FGD4: variants seen among roughly 807,000 people sequenced by gnomAD.
The protein encoded by FGD4 is FYVE, RhoGEF and PH domain containing 4.
In FGD4, 42 loss-of-function variants were observed where a neutral mutation model predicts 102.0. The observed-to-expected ratio is 0.41, with a 90% confidence interval of 0.32 to 0.53. FGD4 has a LOEUF of 0.53. Ranked by LOEUF, FGD4 falls within the 20% of genes least tolerant of loss-of-function variation. The probability of loss-of-function intolerance (pLI) is 0.21; values close to 1 mark genes in which losing one functional copy is unlikely to be tolerated. For missense variants in FGD4, 902 were observed against 1,078.2 expected, an observed-to-expected ratio of 0.84 and a Z score of 2.29; for synonymous variants, 380 against 375.7, an observed-to-expected ratio of 1.01 and a Z score of -0.13.
At chr12:32,636,404 G>A (rs1950817592) in intron 15 of FGD4, among the ~76,000 whole-genome samples, 1 of 152,002 alleles carries the variant, frequency 6.6e-6, no homozygotes, top group South Asian at 2.1e-4. Context: ...CTGGTGGCGT[G>A]TGCCTGTAAT....
At chr12:32,512,783 C>G (rs1296834707) in intron 1 of FGD4, among the ~76,000 whole-genome samples, 2 of 152,276 alleles carry the variant, frequency 1.3e-5, no homozygotes, top group South Asian at 4.1e-4. Context: ...AGTGAAGAGC[C>G]TGTATTCTCA....
Position 32,645,230 on chromosome 12 carries a change from A to G in FGD4, c.*4697A>G, listed in dbSNP as rs960002724. ...ATATTACACAGTATATGGATATTGG[A>G]ATGTATCACTTGTGGGGGGTTCTCT... On this transcript the variant is annotated 3_prime_UTR_variant, in exon 17 of 17. Transcript: ENST00000534526. 1.3e-5 allele frequency: 2 copies of G among 152,206 alleles called. No individual in the cohort carries two copies. The highest frequency in any genetic ancestry group is 4.8e-5 in the African/African-American group (2 of 41,454). 9.4% of individuals were successfully genotyped at this position (152,206 alleles called of 1,614,324 possible).
chr12:32,521,540 T>TA (rs1239658045), intron 1 of FGD4, among the ~76,000 whole-genome samples: 2 of 152,164 alleles, frequency 1.3e-5, no homozygotes, highest in African/African-American at 4.8e-5. Context: ...CAGGACTTTA[T>TA]AAAAAACATT....
intron 1 of FGD4, among the ~76,000 whole-genome samples, chr12:32,553,824 GC>G (rs777281040): frequency 5.9e-5 from 9 of 152,192 alleles, no homozygotes; most frequent in Non-Finnish European, 1.2e-4. Context: ...ACAGAAACAT[GC>G]TGGGCATGGT....
intron 2 of FGD4, among the ~76,000 whole-genome samples, chr12:32,570,953 G>A (rs186617878): frequency 1.3e-5 from 2 of 152,214 alleles, no homozygotes; most frequent in Admixed American, 1.3e-4. Context: ...TCACATAGAT[G>A]TTATATGGTT....
At chr12:32,568,374 A>G (rs1376852891) in intron 2 of FGD4, among the ~76,000 whole-genome samples, 1 of 152,226 alleles carries the variant, frequency 6.6e-6, no homozygotes, top group Admixed American at 6.5e-5. Context: ...CCTTGGAAAC[A>G]ATGGCTTATT....
chr12:32,462,273 C>T (rs1357995922), intron 1 of FGD4, among the ~76,000 whole-genome samples: 2 of 152,144 alleles, frequency 1.3e-5, no homozygotes, highest in Non-Finnish European at 2.9e-5. Flanking sequence ...TCCCCTTCTT[C>T]AGCCTCCCAA....
chr12:32,526,538 A>G (rs924052234), intron 1 of FGD4, among the ~76,000 whole-genome samples: 1 of 152,184 alleles, frequency 6.6e-6, no homozygotes, highest in Non-Finnish European at 1.5e-5. Context: ...CGCCCTGACG[A>G]AACAGGCCAC....
At chr12:32,467,797 C>T (rs1943302853) in intron 1 of FGD4, among the ~76,000 whole-genome samples, 1 of 152,250 alleles carries the variant, frequency 6.6e-6, no homozygotes, top group South Asian at 2.1e-4. Flanking sequence ...GGGCAGATCA[C>T]CTGAGGTCAA....
chr12:32,434,878 T>C (rs1942170749), intron 1 of FGD4, among the ~76,000 whole-genome samples: 1 of 152,234 alleles, frequency 6.6e-6, no homozygotes, highest in African/African-American at 2.4e-5. Context: ...AAATCAAATA[T>C]AGTGGTGAAT....
chr12:32,437,875 T>G (rs1942288341), intron 1 of FGD4, among the ~76,000 whole-genome samples: 1 of 152,194 alleles, frequency 6.6e-6, no homozygotes, highest in Admixed American at 6.5e-5. Flanking sequence ...TCTCCTGTGT[T>G]GTAGGTAGGA....
chr12:32,561,089 T>TG (rs1565841683), intron 1 of FGD4, among the ~76,000 whole-genome samples: 3 of 122,586 alleles, frequency 2.4e-5, no homozygotes, highest in African/African-American at 9.6e-5. Flanking sequence ...TTTTTTTTTT[T>TG]TTTTTTTTTT....
chr12:32,625,386 T>A (rs1275214816), intron 13 of FGD4, among the ~76,000 whole-genome samples: 1 of 151,444 alleles, frequency 6.6e-6, no homozygotes, highest in African/African-American at 2.4e-5. Flanking sequence ...TTTCCTGCCT[T>A]AGCCTCCCGA....
In FGD4 at chr12:32,612,130, G is replaced by A. The variant is rs191856732; in HGVS notation, c.1749+847G>A. Among the ~76,000 whole-genome samples the A allele has an allele frequency of 5.0e-3, 758 of 152,370 alleles. 4 individuals are homozygous for A. Among genetic ancestry groups the A allele is most frequent in the Middle Eastern group, 0.031 (9 of 294 alleles). On this transcript the variant is annotated intron_variant, in intron 10 of 16. Transcript: ENST00000534526. Reference sequence around the variant, plus strand: ...CCAATGAGCATGGGAGGGAAGCCAAGGGGTTGCTGAGGGTGGCTTGGTGTG... The same window carrying A: ...CCAATGAGCATGGGAGGGAAGCCAAAGGGTTGCTGAGGGTGGCTTGGTGTG...
intron 3 of FGD4, among the ~76,000 whole-genome samples, chr12:32,577,248 T>C (rs1004132342): frequency 1.4e-5 from 2 of 145,300 alleles, no homozygotes; most frequent in East Asian, 3.9e-4. Flanking sequence ...ATTTTATCAG[T>C]AGAATTTTGT....
In FGD4 at chr12:32,608,285, G is replaced by C. The variant is rs572947725; in HGVS notation, c.1543+190G>C. 2.8e-4 allele frequency among the ~76,000 whole-genome samples: 42 copies of C among 152,326 alleles called. 1 individual carries two copies. The South Asian group carries it at 8.1e-3, about 29-fold the overall frequency. On this transcript the variant is annotated intron_variant, in intron 8 of 16. Coordinates refer to ENST00000534526, the MANE Select transcript of FGD4 (RefSeq NM_001370298.3). Reference sequence around the variant, plus strand: ...CTTTTGAGCCAAAATGACAAGTTTAGAGCAATGCAAATCACATTAATTTTG... The same window carrying C: ...CTTTTGAGCCAAAATGACAAGTTTACAGCAATGCAAATCACATTAATTTTG...
chr12:32,550,777 A>C (rs1943602399), intron 1 of FGD4, among the ~76,000 whole-genome samples: 1 of 152,258 alleles, frequency 6.6e-6, no homozygotes, highest in African/African-American at 2.4e-5. Flanking sequence ...GATACTAGCA[A>C]ATGAAGAAAC....
chr12:32,453,730 A>AT (rs1382853979), intron 1 of FGD4, among the ~76,000 whole-genome samples: 1 of 152,054 alleles, frequency 6.6e-6, no homozygotes, highest in Non-Finnish European at 1.5e-5. Context: ...ATCATACTTT[A>AT]TTTTTTAGAT....
chr12:32,418,469 G>A (rs917895791), intron 1 of FGD4, among the ~76,000 whole-genome samples: 2 of 152,058 alleles, frequency 1.3e-5, no homozygotes, highest in South Asian at 2.1e-4. Context: ...ACTTATAGAG[G>A]TACCACCTTG....
Sources: allele counts gnomAD v4.1 joint callset (sites outside exome capture counted in the v4.1 genomes callset), GRCh38; gene constraint gnomAD v4.1.1; transcripts MANE v1.5; gene names NCBI Gene and HGNC (gene_info 2026-07-23, HGNC 2026-07-21).